Variants in ZDHHC14 observed in about 807,000 individuals in gnomAD.
ZDHHC14 encodes palmitoyltransferase ZDHHC14.
ZDHHC14 carries 16 observed loss-of-function variants against 47.7 expected under a neutral mutation model. The ratio of observed to expected loss-of-function variants is 0.34; its 90% CI spans 0.23 to 0.51. The LOEUF is 0.51. ZDHHC14 is among the 20% of genes least tolerant of loss of function. The pLI is 0.97. For missense variants in ZDHHC14, 515 were observed against 662.5 expected (o/e 0.78, Z 2.44); for synonymous variants, 293 against 278.9 (o/e 1.05, Z -0.50).
At chr6:157,416,868 G>A (rs547761185) in intron 1 of ZDHHC14, among the ~76,000 whole-genome samples, 21 of 148,138 alleles carry the variant, frequency 1.4e-4, no homozygotes, top group Non-Finnish European at 1.8e-4. Context: ...GTGCAATGGC[G>A]TGATCTTGGC....
chr6:157,566,616 C>G (rs571802453), intron 2 of ZDHHC14, among the ~76,000 whole-genome samples: 3 of 152,264 alleles, frequency 2.0e-5, no homozygotes, highest in East Asian at 3.9e-4. Context: ...GGACACCAAG[C>G]GGGAGGTCCC....
intron 8 of ZDHHC14, among the ~76,000 whole-genome samples, chr6:157,656,968 ACT>A (rs1486883946): frequency 5.9e-5 from 9 of 151,928 alleles, no homozygotes; most frequent in African/African-American, 9.7e-5. Flanking sequence ...GTGACAGTGC[ACT>A]CTCTGCCATG....
intron 8 of ZDHHC14, among the ~76,000 whole-genome samples, chr6:157,663,214 A>T (rs1778417114): frequency 6.6e-6 from 1 of 152,254 alleles, no homozygotes; most frequent in Non-Finnish European, 1.5e-5. Flanking sequence ...GAGTGCCCCA[A>T]GCGCCATGAG....
chr6:157,428,499 ACAT>A (rs1438485612), intron 1 of ZDHHC14, among the ~76,000 whole-genome samples: 2 of 152,174 alleles, frequency 1.3e-5, no homozygotes, highest in Non-Finnish European at 2.9e-5. Flanking sequence ...AGGTCATCTT[ACAT>A]AAAAGGGTAC....
At chr6:157,401,691 G>A (rs1430582771) in intron 1 of ZDHHC14, among the ~76,000 whole-genome samples, 3 of 148,588 alleles carry the variant, frequency 2.0e-5, no homozygotes, top group Non-Finnish European at 1.5e-5. Flanking sequence ...AGTGAGATGC[G>A]CACCTGCTGA....
At chr6:157,504,971 C>T (rs373982450) in intron 1 of ZDHHC14, among the ~76,000 whole-genome samples, 12 of 151,456 alleles carry the variant, frequency 7.9e-5, no homozygotes, top group South Asian at 2.1e-4. Flanking sequence ...CCACCACACC[C>T]GGCTAATTTT....
chr6:157,523,114 A>G (rs916835599), intron 1 of ZDHHC14, among the ~76,000 whole-genome samples: 2 of 149,446 alleles, frequency 1.3e-5, no homozygotes, highest in African/African-American at 2.5e-5. Flanking sequence ...GGTGAATGGG[A>G]TCTCTCTCTC....
intron 3 of ZDHHC14, among the ~76,000 whole-genome samples, chr6:157,602,256 C>T (rs1784364678): frequency 6.6e-6 from 1 of 150,658 alleles, no homozygotes; most frequent in Non-Finnish European, 1.5e-5. Flanking sequence ...CCTGTAATCC[C>T]AGCACTTTGG....
At chr6:157,497,793 C>G (rs1272943866) in intron 1 of ZDHHC14, among the ~76,000 whole-genome samples, 3 of 152,174 alleles carry the variant, frequency 2.0e-5, no homozygotes, top group Non-Finnish European at 4.4e-5. Context: ...GTGACTTGCC[C>G]AATCATACTA....
At chr6:157,589,741 T>C (rs1783833971) in intron 2 of ZDHHC14, among the ~76,000 whole-genome samples, 1 of 152,180 alleles carries the variant, frequency 6.6e-6, no homozygotes, top group African/African-American at 2.4e-5. Flanking sequence ...GAAAATGGAC[T>C]AATACAGTAT....
intron 2 of ZDHHC14, among the ~76,000 whole-genome samples, chr6:157,555,679 A>C (rs972616873): frequency 1.6e-4 from 24 of 152,306 alleles, no homozygotes; most frequent in African/African-American, 5.5e-4. Context: ...ATCAACAAGG[A>C]CAGATTATTG....
chr6:157,614,978 A>C (rs1784908942), intron 3 of ZDHHC14, among the ~76,000 whole-genome samples: 1 of 151,990 alleles, frequency 6.6e-6, no homozygotes, highest in Admixed American at 6.6e-5. Context: ...TATGTTGACC[A>C]AGCTCGTCTC....
At chr6:157,549,378 G>A (rs144023169) in intron 2 of ZDHHC14, among the ~76,000 whole-genome samples, 3,353 of 152,342 alleles carry the variant, frequency 0.022, 48 homozygotes, top group Non-Finnish European at 0.035. Context: ...TGAAGATTCA[G>A]GGGCCTTTTT....
chr6:157,607,157 G>C (rs1205704914), intron 3 of ZDHHC14, among the ~76,000 whole-genome samples: 2 of 152,112 alleles, frequency 1.3e-5, no homozygotes, highest in Non-Finnish European at 2.9e-5. Flanking sequence ...GAAACATGCT[G>C]GGAAGGGGTT....
At chr6:157,485,579 T>A (rs1779757911) in intron 1 of ZDHHC14, among the ~76,000 whole-genome samples, 1 of 152,206 alleles carries the variant, frequency 6.6e-6, no homozygotes, top group Non-Finnish European at 1.5e-5. Flanking sequence ...TTTGCATTTC[T>A]GGCAGAGATG....
At chr6:157,512,320 C>G (rs9456417) in intron 1 of ZDHHC14, among the ~76,000 whole-genome samples, 96,250 of 152,138 alleles carry the variant, frequency 0.63, 30,595 homozygotes, top group Admixed American at 0.68. Flanking sequence ...TTGCCCTCCT[C>G]AGAAGCCCCT....
chr6:157,492,257 A>G (rs1438409399), intron 1 of ZDHHC14, among the ~76,000 whole-genome samples: 1 of 124,580 alleles, frequency 8.0e-6, no homozygotes. Context: ...CCGTCCTGCC[A>G]AGAACCCCAC....
chr6:157,622,540 G>T (rs957386435), intron 3 of ZDHHC14, among the ~76,000 whole-genome samples: 3 of 152,146 alleles, frequency 2.0e-5, no homozygotes, highest in Non-Finnish European at 4.4e-5. Flanking sequence ...GAGGGCAGGT[G>T]ACTTGCATTC....
At chr6:157,481,151 T>C (rs143695130) in intron 1 of ZDHHC14, among the ~76,000 whole-genome samples, 2,128 of 152,336 alleles carry the variant, frequency 0.014, 20 homozygotes, top group Non-Finnish European at 0.02. Context: ...CGTGTGATGC[T>C]TCCTCACTCC....
Sources: gnomAD v4.1 joint callset for allele counts (sites outside exome capture counted in the v4.1 genomes callset) on GRCh38, gnomAD v4.1.1 for gene constraint, MANE v1.5 for transcripts, NCBI Gene and HGNC (gene_info 2026-07-23, HGNC 2026-07-21) for gene names.